The following F8 variants were observed in gnomAD, a reference collection of about 807,000 sequenced individuals.
F8 encodes the protein antihemophilic factor.
F8 carries 12 observed loss-of-function variants against 140.6 expected under a neutral mutation model. The ratio of observed to expected loss-of-function variants is 0.09; its 90% CI spans 0.05 to 0.14. The LOEUF (loss-of-function observed/expected upper bound fraction) is 0.14. Among genes scored for constraint, F8 ranks in the 10% least tolerant of loss-of-function variants. The probability of loss-of-function intolerance (pLI) is 1.00; values close to 1 mark genes in which losing one functional copy is unlikely to be tolerated. For missense variants in F8, 1,354 were observed against 1,720.7 expected (o/e 0.79, Z 3.77); for synonymous variants, 585 against 614.6 (o/e 0.95, Z 0.71).
rs372493999 is a variant in F8, at chrX:154,922,552, G to C, written c.5219+6019C>G. ...TATAATATTTCAGGCACTGTTAAGT[G>C]CATTGAAAAAAAATGGTGGGAGCAA... On this transcript the variant is annotated intron_variant, in intron 14 of 25. Coordinates refer to ENST00000360256, the MANE Select transcript of F8 (RefSeq NM_000132.4). Among the ~76,000 whole-genome samples, 31 of 111,908 alleles carry C rather than the reference G, an allele frequency of 2.8e-4. No individual in the cohort carries two copies. The East Asian group carries it at 8.1e-3, about 29-fold the overall frequency.
At chrX:154,983,508 C>A (rs1397489318) in intron 6 of F8, among the ~76,000 whole-genome samples, 1 of 111,007 alleles carries the variant, frequency 9.0e-6, no homozygotes, top group African/African-American at 3.3e-5. Flanking sequence ...GATGAAGGTG[C>A]CAGTTGGGAC....
intron 1 of F8, among the ~76,000 whole-genome samples, chrX:155,005,741 C>G (rs964781627): frequency 8.9e-6 from 1 of 112,140 alleles, no homozygotes; most frequent in Non-Finnish European, 1.9e-5. Context: ...GCTGACAACT[C>G]TAATCTGAAT....
intron 13 of F8, among the ~76,000 whole-genome samples, chrX:154,942,163 A>G (rs1219411021): frequency 3.0e-5 from 3 of 100,721 alleles, no homozygotes; most frequent in Non-Finnish European, 4.1e-5. Flanking sequence ...AAATAACTAA[A>G]ATCAGAGCAG....
Position 154,966,141 on chromosome X carries a change from T to G in F8, c.1272A>C (p.Arg424Ser). Residue 424 changes from arginine (R) to serine (S), a missense_variant and splice_region_variant, in exon 9 of 26, where the codon AGA becomes AGC. Physicochemically the swap from Arg to Ser is moderately radical, Grantham distance 110. Coordinates refer to ENST00000360256, the MANE Select transcript of F8 (RefSeq NM_000132.4). ...YAPLVLAPDDRSYKSQYLNNG... is the reference protein window; with the variant it reads ...YAPLVLAPDDSSYKSQYLNNG... Reference sequence around the variant, plus strand: ...TGTTCAAATATTGACTTTTATAACTTCTGTATAAGAGAAAAAAAGATGAGA... The same window carrying G: ...TGTTCAAATATTGACTTTTATAACTGCTGTATAAGAGAAAAAAAGATGAGA... 8.3e-7 allele frequency: 1 copy of G among 1,207,353 alleles called. No individual in the cohort carries two copies.
intron 22 of F8, among the ~76,000 whole-genome samples, chrX:154,894,804 A>G (rs1472831147): frequency 9.4e-6 from 1 of 106,608 alleles, no homozygotes; most frequent in East Asian, 3.0e-4. Flanking sequence ...GGGATAATCC[A>G]TGTAAAGTTA....
chrX:154,941,996 C>G (rs2073268566), intron 13 of F8, among the ~76,000 whole-genome samples: 1 of 104,938 alleles, frequency 9.5e-6, no homozygotes, highest in Non-Finnish European at 2.0e-5. Context: ...ATACCAGAAT[C>G]TCTGGGACAC....
chrX:154,938,594 T>A (rs148776793), intron 13 of F8, among the ~76,000 whole-genome samples: 37 of 111,329 alleles, frequency 3.3e-4, no homozygotes, highest in African/African-American at 1.1e-3. Context: ...CATAAAAAAC[T>A]GAAAAATAAG....
chrX:154,965,040 C>T (rs781889343), intron 9 of F8, among the ~76,000 whole-genome samples: 3 of 111,720 alleles, frequency 2.7e-5, no homozygotes, highest in East Asian at 5.6e-4. Context: ...TACAAGCAGG[C>T]AATTCACAGA....
chrX:154,850,816 T>A (rs782634039), intron 25 of F8, among the ~76,000 whole-genome samples: 5 of 112,416 alleles, frequency 4.4e-5, no homozygotes, highest in African/African-American at 1.6e-4. Context: ...TATTTTCTGA[T>A]ATTTGCTATT....
At chrX:154,975,628 T>C (rs1310688165) in intron 6 of F8, among the ~76,000 whole-genome samples, 2 of 112,198 alleles carry the variant, frequency 1.8e-5, no homozygotes, top group African/African-American at 6.5e-5. Context: ...ATATTTTGTC[T>C]GGATGATCTG....
chrX:154,846,111 G>A (rs782527372), intron 25 of F8, among the ~76,000 whole-genome samples: 206 of 112,413 alleles, frequency 1.8e-3, no homozygotes, highest in Non-Finnish European at 3.5e-3. Flanking sequence ...TTTTGAATGA[G>A]TTTCTTAATC....
intron 22 of F8, among the ~76,000 whole-genome samples, chrX:154,866,902 A>G: frequency 8.9e-6 from 1 of 111,798 alleles, no homozygotes; most frequent in East Asian, 2.8e-4. Flanking sequence ...GAAATAACTG[A>G]CAAAACTAAG....
At chrX:154,934,645 C>T (rs1283523024) in intron 13 of F8, among the ~76,000 whole-genome samples, 1 of 111,462 alleles carries the variant, frequency 9.0e-6, no homozygotes, top group Non-Finnish European at 1.9e-5. Flanking sequence ...AACAACTCTG[C>T]AGCTTTGATC....
At chrX:154,964,231 G>C (rs1168037671) in intron 9 of F8, among the ~76,000 whole-genome samples, 14 of 111,324 alleles carry the variant, frequency 1.3e-4, no homozygotes, top group African/African-American at 4.6e-4. Flanking sequence ...GCATGCTCTT[G>C]TTTATCTATT....
intron 22 of F8, among the ~76,000 whole-genome samples, chrX:154,876,334 T>C (rs1465448383): frequency 1.8e-5 from 2 of 110,355 alleles, no homozygotes; most frequent in African/African-American, 6.6e-5. Context: ...TTAGCCAGGA[T>C]GGTCTCAATC....
chrX:154,993,415 C>T (rs1365916068), intron 3 of F8, among the ~76,000 whole-genome samples: 19 of 111,516 alleles, frequency 1.7e-4, no homozygotes, highest in African/African-American at 5.2e-4. Flanking sequence ...CCACCATGCC[C>T]GGCTAATTTT....
intron 6 of F8, among the ~76,000 whole-genome samples, chrX:154,982,720 G>C (rs782076154): frequency 9.1e-6 from 1 of 110,488 alleles, no homozygotes; most frequent in African/African-American, 3.3e-5. Flanking sequence ...TGCTGAGCTC[G>C]AGTGCTGCAG....
intron 21 of F8, 100 bp from the exon 22 acceptor site, chrX:154,896,332 G>A: frequency 1.1e-6 from 1 of 903,138 alleles, no homozygotes; most frequent in South Asian, 2.0e-5. Flanking sequence ...ATTGCTACAG[G>A]TGTGTCCATC....
chrX:155,006,419 C>T (rs1174301308), intron 1 of F8, among the ~76,000 whole-genome samples: 1 of 46,570 alleles, frequency 2.1e-5, no homozygotes. Context: ...CCAGCAGGTC[C>T]CCGGGGTTGT....
Sources: allele counts gnomAD v4.1 joint callset (sites outside exome capture counted in the v4.1 genomes callset), GRCh38; gene constraint gnomAD v4.1.1; transcripts MANE v1.5; gene names NCBI Gene and HGNC (gene_info 2026-07-23, HGNC 2026-07-21).